The following C1orf198 variants were observed in gnomAD, a reference collection of about 807,000 sequenced individuals.
The protein encoded by C1orf198 is uncharacterized protein C1orf198.
A neutral mutation model predicts 31.4 loss-of-function variants in C1orf198; 17 were observed. The ratio of observed to expected loss-of-function variants is 0.54; its 90% CI spans 0.37 to 0.81. C1orf198 has a LOEUF of 0.81. C1orf198 is among the 40% of genes least tolerant of loss of function. The probability of loss-of-function intolerance (pLI) is 0.00; values close to 1 mark genes in which losing one functional copy is unlikely to be tolerated. For missense variants in C1orf198, 401 were observed against 450.3 expected, an observed-to-expected ratio of 0.89 and a Z score of 0.99; for synonymous variants, 175 against 193.8, an observed-to-expected ratio of 0.90 and a Z score of 0.81.
At chr1:230,853,960 T>G (rs1324492171) in intron 2 of C1orf198, among the ~76,000 whole-genome samples, 1 of 152,148 alleles carries the variant, frequency 6.6e-6, no homozygotes, top group Non-Finnish European at 1.5e-5. Context: ...CAGTGGCCAC[T>G]CCAGGAGCTG....
Position 230,839,766 on chromosome 1 carries a change from AG to A in C1orf198, c.*85del. Reference sequence around the variant, plus strand: ...GTGTCAAGAAACCAGTAAAATACATAGGAAAAGGTGGCCCTTTTTATCCTCC... The same window carrying A: ...GTGTCAAGAAACCAGTAAAATACATAGAAAAGGTGGCCCTTTTTATCCTCC... On this transcript the variant is annotated 3_prime_UTR_variant, in exon 4 of 4. Transcript: ENST00000366663. 8.8e-7 allele frequency: 1 copy of A among 1,137,994 alleles called. No individual in the cohort carries two copies. The highest frequency in any genetic ancestry group is 1.3e-6 in the Non-Finnish European group (1 of 790,700). The allele number at this position is 1,137,994 out of a possible 1,614,324, so 70.5% of individuals were successfully genotyped here.
chr1:230,853,180 T>C (rs1206023508), intron 2 of C1orf198, among the ~76,000 whole-genome samples: 1 of 152,096 alleles, frequency 6.6e-6, no homozygotes, highest in East Asian at 1.9e-4. Flanking sequence ...CTCCGATCAT[T>C]GACCCACACA....
At chr1:230,846,639 A>T (rs562287862) in intron 2 of C1orf198, among the ~76,000 whole-genome samples, 1 of 152,354 alleles carries the variant, frequency 6.6e-6, no homozygotes, top group East Asian at 1.9e-4. Flanking sequence ...ACGCACGCCT[A>T]GGCTGCCCTG....
At position 230,843,715 on chromosome 1, in the gene C1orf198, G is replaced by T; in HGVS notation, c.566C>A (p.Ser189Ter). 1 of 1,614,258 alleles carries T rather than the reference G, an allele frequency of 6.2e-7. No individual in the cohort carries two copies. The highest frequency in any genetic ancestry group is 8.5e-7 in the Non-Finnish European group (1 of 1,180,044). Residue 189 changes from serine to a stop codon, truncating the protein, a stop_gained, in exon 3 of 4, where the codon TCA becomes TAA. Transcript: ENST00000366663. LOFTEE classifies it high-confidence loss of function. The surrounding 1 kb of genome is among the most constrained non-coding windows in gnomAD (Gnocchi z 4.9). Reference protein sequence around the residue: ...LGPTRKEEEASFWKINAERSR... With the variant: ...LGPTRKEEEA The stretch of plus-strand genomic sequence containing the variant: ...CCGCTCAGCATTGATCTTCCAGAAT[G>T]ACGCTTCCTCCTCCTTCCTGGTGGG...
chr1:230,857,869 A>C lies in C1orf198; in HGVS notation c.334-2151T>G, dbSNP rs903982926. ...TGAGAACCACATAGTGTGTGCAACT[A>C]ATGACCATGTGCACAGTAAGATGAC... On this transcript the variant is annotated intron_variant, in intron 1 of 3. Coordinates refer to ENST00000366663, the MANE Select transcript of C1orf198 (RefSeq NM_032800.3). The surrounding 1 kb of genome is among the most constrained non-coding windows in gnomAD (Gnocchi z 4.2). 6.6e-6 allele frequency among the ~76,000 whole-genome samples: 1 copy of C among 152,214 alleles called. No homozygotes were observed. Among genetic ancestry groups the C allele is most frequent in the African/African-American group, 2.4e-5 (1 of 41,456 alleles).
chr1:230,853,916 T>C (rs1669804708), intron 2 of C1orf198, among the ~76,000 whole-genome samples: 1 of 152,198 alleles, frequency 6.6e-6, no homozygotes, highest in African/African-American at 2.4e-5. Context: ...CAGGCACCTG[T>C]TTCCCACTCT....
chr1:230,852,636 T>C (rs1489708601), intron 2 of C1orf198, among the ~76,000 whole-genome samples: 1 of 152,200 alleles, frequency 6.6e-6, no homozygotes, highest in African/African-American at 2.4e-5. Flanking sequence ...ATGTACTGAA[T>C]GCCACCAGAC....
At chr1:230,844,411 A>T (rs1669533156) in intron 2 of C1orf198, among the ~76,000 whole-genome samples, 1 of 152,086 alleles carries the variant, frequency 6.6e-6, no homozygotes, top group South Asian at 2.1e-4. Context: ...AGGCCTCCCC[A>T]GAAGCCAAGC....
rs772864942 is a variant in C1orf198, at chr1:230,840,765, C to T, written c.928-857G>A. ...CGGCCAGCAGAAAATGCATACATGG[C>T]GGCAAGAGCAGGCAATGGGCTAATG... On this transcript the variant is annotated intron_variant, in intron 3 of 3. Transcript: ENST00000366663. The surrounding 1 kb of genome is among the most constrained non-coding windows in gnomAD (Gnocchi z 4.0). Among the ~76,000 whole-genome samples the T allele has an allele frequency of 4.4e-4, 67 of 152,334 alleles. No individual in the cohort carries two copies. The highest frequency in any genetic ancestry group is 5.4e-4 in the Non-Finnish European group (37 of 68,042).
intron 2 of C1orf198, among the ~76,000 whole-genome samples, chr1:230,853,129 C>T (rs1316215202): frequency 1.3e-5 from 2 of 152,136 alleles, no homozygotes. Context: ...CATAAGTGAT[C>T]CCAGGCAAGG....
intron 1 of C1orf198, among the ~76,000 whole-genome samples, chr1:230,859,467 A>G (rs1194435589): frequency 1.3e-5 from 2 of 152,178 alleles, no homozygotes; most frequent in Non-Finnish European, 2.9e-5. Context: ...ACTTATCCTC[A>G]GAGTCAAATT....
intron 1 of C1orf198, among the ~76,000 whole-genome samples, chr1:230,859,299 A>T (rs970897693): frequency 2.6e-5 from 4 of 152,170 alleles, no homozygotes; most frequent in African/African-American, 2.4e-5. Flanking sequence ...GAGGCCAGGC[A>T]CATGCTTTTG....
chr1:230,866,748 G>A (rs1199272484), intron 1 of C1orf198, among the ~76,000 whole-genome samples: 1 of 152,058 alleles, frequency 6.6e-6, no homozygotes, highest in Non-Finnish European at 1.5e-5. Context: ...CCCAAATCTG[G>A]GCGCAAACAC....
intron 2 of C1orf198, among the ~76,000 whole-genome samples, chr1:230,854,909 C>T (rs919202442): frequency 6.6e-6 from 1 of 152,166 alleles, no homozygotes; most frequent in Admixed American, 6.5e-5. Flanking sequence ...ATCTGCCCAG[C>T]AGTCCGAGCC....
chr1:230,861,081 G>A (rs753482673), intron 1 of C1orf198, among the ~76,000 whole-genome samples: 2 of 152,214 alleles, frequency 1.3e-5, no homozygotes, highest in Non-Finnish European at 2.9e-5. Context: ...CGGGAGGCAT[G>A]AGCAGGTGGC....
At chr1:230,850,429 G>A (rs1558138865) in intron 2 of C1orf198, among the ~76,000 whole-genome samples, 2 of 152,246 alleles carry the variant, frequency 1.3e-5, no homozygotes, top group African/African-American at 2.4e-5. Flanking sequence ...GATTTGTGCT[G>A]AGTCTGGAGG....
chr1:230,853,782 G>C (rs894159973), intron 2 of C1orf198, among the ~76,000 whole-genome samples: 1 of 152,208 alleles, frequency 6.6e-6, no homozygotes, highest in Non-Finnish European at 1.5e-5. Flanking sequence ...ATTTTAGCAA[G>C]CTTCCTCAAC....
intron 1 of C1orf198, among the ~76,000 whole-genome samples, chr1:230,863,678 C>T (rs575743333): frequency 4.6e-5 from 7 of 152,318 alleles, no homozygotes; most frequent in Non-Finnish European, 7.3e-5. Flanking sequence ...CAGCAGGCCA[C>T]GTGCTACTCA....
intron 2 of C1orf198, among the ~76,000 whole-genome samples, chr1:230,852,147 G>A (rs1669762825): frequency 6.6e-6 from 1 of 152,082 alleles, no homozygotes; most frequent in African/African-American, 2.4e-5. Flanking sequence ...TACAAATTTG[G>A]GTTAAACGTA....
Sources: gnomAD v4.1 joint callset for allele counts (sites outside exome capture counted in the v4.1 genomes callset) on GRCh38, gnomAD v4.1.1 for gene constraint, Gnocchi (gnomAD v3.1) non-coding constraint, MANE v1.5 for transcripts, NCBI Gene and HGNC (gene_info 2026-07-23, HGNC 2026-07-21) for gene names.